Variants in PDE10A observed in about 807,000 individuals in gnomAD.
PDE10A encodes the protein phosphodiesterase 10A.
A neutral mutation model predicts 97.7 loss-of-function variants in PDE10A; 39 were observed. The ratio of observed to expected loss-of-function variants is 0.40; its 90% CI spans 0.31 to 0.52. The LOEUF is 0.52. Ranked by LOEUF, PDE10A falls within the 20% of genes least tolerant of loss-of-function variation. The pLI is 0.56. For synonymous variants in PDE10A, 371 were observed against 376.8 expected (o/e 0.98, Z 0.18); for missense variants, 731 against 1,047.8 (o/e 0.70, Z 4.17).
intron 1 of PDE10A, among the ~76,000 whole-genome samples, chr6:165,966,553 CT>C (rs1239490961): frequency 6.6e-6 from 1 of 152,216 alleles, no homozygotes; most frequent in Non-Finnish European, 1.5e-5. Flanking sequence ...AGCCCACTTG[CT>C]TTTTTGTCAT....
At chr6:165,923,592 G>A (rs1460959621) in intron 1 of PDE10A, among the ~76,000 whole-genome samples, 2 of 152,206 alleles carry the variant, frequency 1.3e-5, no homozygotes, top group Non-Finnish European at 1.5e-5. Context: ...AACAGTCAGA[G>A]CATGTGAGTC....
chr6:165,547,611 G>A (rs1783802676), intron 1 of PDE10A, among the ~76,000 whole-genome samples: 1 of 152,102 alleles, frequency 6.6e-6, no homozygotes, highest in African/African-American at 2.4e-5. Context: ...AATCTGAGGG[G>A]TAGATAAGAA....
chr6:165,473,378 G>A (rs1054461093), intron 3 of PDE10A, among the ~76,000 whole-genome samples: 1 of 152,112 alleles, frequency 6.6e-6, no homozygotes, highest in African/African-American at 2.4e-5. Flanking sequence ...CTGAATTAAT[G>A]TAGCTCTAGA....
At chr6:165,517,963 T>C (rs777860820) in intron 2 of PDE10A, among the ~76,000 whole-genome samples, 12 of 152,228 alleles carry the variant, frequency 7.9e-5, no homozygotes, top group Non-Finnish European at 1.5e-4. Flanking sequence ...GTTGGTTTTA[T>C]TCCCATTTTA....
intron 18 of PDE10A, among the ~76,000 whole-genome samples, chr6:165,346,911 A>C (rs1486488109): frequency 6.6e-6 from 1 of 152,204 alleles, no homozygotes; most frequent in Non-Finnish European, 1.5e-5. Context: ...TATTACTGTG[A>C]GAGTGGTTAA....
chr6:165,671,801 T>C lies in PDE10A; in HGVS notation c.-614-128233A>G, dbSNP rs900540633. Among the ~76,000 whole-genome samples the C allele has an allele frequency of 3.3e-5, 5 of 152,222 alleles. No individual in the cohort carries two copies. Among genetic ancestry groups the C allele is most frequent in the Admixed American group, 3.3e-4 (5 of 15,284 alleles). On this transcript the variant is annotated intron_variant, in intron 1 of 19. Coordinates refer to the PDE10A transcript ENST00000366882. This position sits in a 1 kb window ranked among gnomAD's most constrained non-coding sequence, Gnocchi z 4.6. Reference sequence around the variant, plus strand: ...TTTATTCTCTAAGGCAGGATGTTTATATTCAGTATTCACAGATTTCTGTAT... The same window carrying C: ...TTTATTCTCTAAGGCAGGATGTTTACATTCAGTATTCACAGATTTCTGTAT...
chr6:165,406,228 A>ATGTGTGTG (rs3839483), intron 13 of PDE10A, among the ~76,000 whole-genome samples: 1,786 of 140,468 alleles, frequency 0.013, 41 homozygotes, highest in African/African-American at 0.035. Context: ...AGGGAAAAGG[A>ATGTGTGTG]TGTGTGTGTG....
At chr6:165,733,147 G>A (rs916242990) in intron 1 of PDE10A, among the ~76,000 whole-genome samples, 1 of 152,198 alleles carries the variant, frequency 6.6e-6, no homozygotes, top group Non-Finnish European at 1.5e-5. Flanking sequence ...TTCTGGCTCA[G>A]TGATCCTAGT....
intron 2 of PDE10A, among the ~76,000 whole-genome samples, chr6:165,524,234 A>G (rs1346381538): frequency 6.6e-6 from 1 of 152,170 alleles, no homozygotes; most frequent in African/African-American, 2.4e-5. Context: ...TTGTCCCTCT[A>G]GAGAACCCTG....
chr6:165,908,012 C>T (rs1011986444), intron 1 of PDE10A, among the ~76,000 whole-genome samples: 4 of 152,214 alleles, frequency 2.6e-5, no homozygotes, highest in Admixed American at 1.3e-4. Flanking sequence ...AAACAAGTGT[C>T]GTTCTGGAGT....
chr6:165,782,199 G>A (rs1055682018), intron 1 of PDE10A, among the ~76,000 whole-genome samples: 2 of 152,174 alleles, frequency 1.3e-5, no homozygotes, highest in Non-Finnish European at 2.9e-5. Flanking sequence ...GTAAAAGGAC[G>A]AAGTCATGTG....
chr6:165,952,016 A>G (rs1485985562), intron 1 of PDE10A, among the ~76,000 whole-genome samples: 10 of 152,256 alleles, frequency 6.6e-5, no homozygotes, highest in African/African-American at 2.2e-4. Flanking sequence ...CAACATGTGC[A>G]TCTCATTCTC....
chr6:165,600,126 A>G (rs1434269232), intron 1 of PDE10A, among the ~76,000 whole-genome samples: 1 of 152,026 alleles, frequency 6.6e-6, no homozygotes, highest in East Asian at 1.9e-4. Flanking sequence ...TCAAATCAAC[A>G]CTTCCCACCC....
intron 1 of PDE10A, among the ~76,000 whole-genome samples, chr6:165,786,247 A>T (rs1778489860): frequency 6.6e-6 from 1 of 152,220 alleles, no homozygotes; most frequent in Admixed American, 6.5e-5. Flanking sequence ...GACAGTGTAC[A>T]CTGTGAGTGT....
In PDE10A at chr6:165,327,592, C is replaced by T. The variant is rs142426839; in HGVS notation, c.*5433G>A. On this transcript the variant is annotated 3_prime_UTR_variant, in exon 22 of 22. Transcript: ENST00000539869. ...AGTAAATGTTTTTTAAATACAAAGA[C>T]TGCAAATGAATACATGAAAAAATTA... The T allele has an allele frequency of 1.3e-5, 2 of 152,196 alleles. No individual in the cohort carries two copies. Among genetic ancestry groups the T allele is most frequent in the East Asian group, 3.9e-4 (2 of 5,188 alleles). 9.4% of individuals were successfully genotyped at this position (152,196 alleles called of 1,614,324 possible).
At chr6:165,773,009 A>T (rs1477622710) in intron 1 of PDE10A, among the ~76,000 whole-genome samples, 1 of 152,220 alleles carries the variant, frequency 6.6e-6, no homozygotes, top group Non-Finnish European at 1.5e-5. Flanking sequence ...AATTATTTTT[A>T]AAAAATAGAT....
intron 1 of PDE10A, among the ~76,000 whole-genome samples, chr6:165,862,960 A>G (rs1845531): frequency 0.73 from 110,697 of 152,220 alleles, 40,720 homozygotes; most frequent in East Asian, 0.96. Context: ...GATTATAGGC[A>G]TGAGCCACCA....
chr6:165,872,047 C>T (rs971411241), intron 1 of PDE10A, among the ~76,000 whole-genome samples: 9 of 152,072 alleles, frequency 5.9e-5, no homozygotes, highest in African/African-American at 2.2e-4. Context: ...ATCAGGGACT[C>T]GCTGTGTTCA....
At chr6:165,481,762 G>C (rs1249557567) in intron 3 of PDE10A, among the ~76,000 whole-genome samples, 1 of 151,974 alleles carries the variant, frequency 6.6e-6, no homozygotes, top group Non-Finnish European at 1.5e-5. Flanking sequence ...CATGAAAACA[G>C]TACCTTTAAT....
Sources: gnomAD v4.1 joint callset for allele counts (sites outside exome capture counted in the v4.1 genomes callset) on GRCh38, gnomAD v4.1.1 for gene constraint, Gnocchi (gnomAD v3.1) non-coding constraint, MANE v1.5 for transcripts, NCBI Gene and HGNC (gene_info 2026-07-23, HGNC 2026-07-21) for gene names.